The following SOX5 variants were observed in gnomAD, a reference collection of about 807,000 sequenced individuals.
SOX5 encodes the protein SRY-box transcription factor 5, also known as transcription factor SOX-5.
Under a neutral mutation model 92.0 loss-of-function variants are expected in SOX5, and 9 were observed. The ratio of observed to expected loss-of-function variants is 0.10; its 90% confidence interval spans 0.06 to 0.17. SOX5 has a LOEUF of 0.17. Among genes scored for constraint, SOX5 ranks in the 10% least tolerant of loss-of-function variants. SOX5 has a pLI of 1.00. For missense variants in SOX5, 642 were observed against 944.5 expected (o/e 0.68, Z 4.20); for synonymous variants, 344 against 336.3 (o/e 1.02, Z -0.25).
intron 4 of SOX5, among the ~76,000 whole-genome samples, chr12:24,050,981 C>CT (rs923707740): frequency 6.6e-6 from 1 of 152,078 alleles, no homozygotes; most frequent in African/African-American, 2.4e-5. Context: ...GATCCTCTCT[C>CT]TTTTTTTGTC....
chr12:24,178,994 T>A (rs1271129860), intron 4 of SOX5, among the ~76,000 whole-genome samples: 1 of 152,134 alleles, frequency 6.6e-6, no homozygotes, highest in African/African-American at 2.4e-5. Flanking sequence ...AAAATCAAGG[T>A]AAAATATATG....
At chr12:23,690,514 T>C (rs1192162454) in intron 6 of SOX5, among the ~76,000 whole-genome samples, 1 of 152,268 alleles carries the variant, frequency 6.6e-6, no homozygotes, top group Admixed American at 6.5e-5. Flanking sequence ...CATGCCTACT[T>C]ATTTCCAATG....
chr12:24,146,078 G>A (rs1330844173), intron 4 of SOX5, among the ~76,000 whole-genome samples: 1 of 152,132 alleles, frequency 6.6e-6, no homozygotes, highest in Non-Finnish European at 1.5e-5. Context: ...ATAATTGATA[G>A]AATAAGTAAA....
chr12:23,649,880 G>A (rs556241973), intron 7 of SOX5, among the ~76,000 whole-genome samples: 1 of 152,214 alleles, frequency 6.6e-6, no homozygotes, highest in East Asian at 1.9e-4. Context: ...GTGAAATGCA[G>A]ATGTGGTTTT....
At chr12:24,330,535 C>T (rs1951188532) in intron 2 of SOX5, among the ~76,000 whole-genome samples, 2 of 152,240 alleles carry the variant, frequency 1.3e-5, no homozygotes, top group Non-Finnish European at 2.9e-5. Flanking sequence ...CCTTGACAAC[C>T]CTCAATAATA....
At chr12:23,685,303 C>T (rs1016472828) in intron 6 of SOX5, among the ~76,000 whole-genome samples, 4 of 152,028 alleles carry the variant, frequency 2.6e-5, no homozygotes, top group Non-Finnish European at 4.4e-5. Context: ...TATAATCTCA[C>T]GGTTAGAGAA....
At chr12:23,591,147 C>A (rs1446722753) in intron 9 of SOX5, among the ~76,000 whole-genome samples, 2 of 151,956 alleles carry the variant, frequency 1.3e-5, no homozygotes, top group African/African-American at 4.8e-5. Context: ...TTCACCTTAA[C>A]AATAGCTAGA....
chr12:24,322,962 C>G (rs1950344791), intron 2 of SOX5, among the ~76,000 whole-genome samples: 1 of 152,022 alleles, frequency 6.6e-6, no homozygotes, highest in African/African-American at 2.4e-5. Context: ...TGTGTTACTA[C>G]TATTTTATTA....
chr12:23,895,331 T>C (rs2097166583), intron 2 of SOX5, among the ~76,000 whole-genome samples: 1 of 151,994 alleles, frequency 6.6e-6, no homozygotes, highest in African/African-American at 2.4e-5. Flanking sequence ...CTCTATGAAA[T>C]TCTAAGTACT....
intron 3 of SOX5, among the ~76,000 whole-genome samples, chr12:23,788,604 A>G (rs2095420557): frequency 6.6e-6 from 1 of 151,984 alleles, no homozygotes; most frequent in Admixed American, 6.6e-5. Context: ...CAGGGATAAA[A>G]TTTAGAAACC....
At chr12:23,795,158 G>A (rs907026749) in intron 3 of SOX5, among the ~76,000 whole-genome samples, 2 of 152,012 alleles carry the variant, frequency 1.3e-5, no homozygotes, top group Non-Finnish European at 2.9e-5. Context: ...CTAGAACAGA[G>A]TAGCCCTTTG....
intron 9 of SOX5, among the ~76,000 whole-genome samples, chr12:23,602,070 A>G (rs1386802469): frequency 1.3e-5 from 2 of 152,200 alleles, no homozygotes; most frequent in Non-Finnish European, 2.9e-5. Context: ...TAAACTTTAT[A>G]TGATAGAAAA....
chr12:23,730,497 T>G (rs1481042595), intron 6 of SOX5, among the ~76,000 whole-genome samples: 2 of 152,192 alleles, frequency 1.3e-5, no homozygotes, highest in African/African-American at 4.8e-5. Flanking sequence ...TAGAGTAAAC[T>G]GATTTATGAT....
At chr12:24,073,421 C>A (rs1942066011) in intron 4 of SOX5, among the ~76,000 whole-genome samples, 1 of 152,188 alleles carries the variant, frequency 6.6e-6, no homozygotes, top group African/African-American at 2.4e-5. Flanking sequence ...CTCTATACTC[C>A]TCCATTTACT....
intron 1 of SOX5, among the ~76,000 whole-genome samples, chr12:24,394,545 TGTG>T (rs1441613721): frequency 5.3e-5 from 8 of 152,198 alleles, no homozygotes; most frequent in African/African-American, 1.4e-4. Context: ...ACAGGACAGA[TGTG>T]GTGATTTCCA....
At chr12:23,969,449 A>G (rs1455944880) in intron 4 of SOX5, among the ~76,000 whole-genome samples, 1 of 152,158 alleles carries the variant, frequency 6.6e-6, no homozygotes, top group East Asian at 1.9e-4. Context: ...TAAAACCTTT[A>G]GTATGGCCTA....
At chr12:23,699,990 TG>T in intron 6 of SOX5, among the ~76,000 whole-genome samples, 1 of 152,082 alleles carries the variant, frequency 6.6e-6, no homozygotes, top group Non-Finnish European at 1.5e-5. Context: ...TAAAAAAACA[TG>T]GGAAGAAATG....
chr12:23,578,686 C>T (rs1158745493), intron 9 of SOX5, among the ~76,000 whole-genome samples: 3 of 152,104 alleles, frequency 2.0e-5, no homozygotes, highest in Non-Finnish European at 4.4e-5. Context: ...TCCAGATCTA[C>T]TCTTGGTCAA....
chr12:24,296,818 TAA>T (rs34459785), intron 2 of SOX5, among the ~76,000 whole-genome samples: 15,261 of 137,388 alleles, frequency 0.11, 1,071 homozygotes, highest in South Asian at 0.19. Context: ...ACATTGTTCT[TAA>T]AAAAAAAAAA....
Sources: allele counts gnomAD v4.1 joint callset (sites outside exome capture counted in the v4.1 genomes callset), GRCh38; gene constraint gnomAD v4.1.1; transcripts MANE v1.5; gene names NCBI Gene and HGNC (gene_info 2026-07-23, HGNC 2026-07-21).